The following HECTD4 variants were observed in gnomAD, a reference collection of about 807,000 sequenced individuals.
HECTD4 encodes the protein HECT domain E3 ubiquitin protein ligase 4, also known as probable E3 ubiquitin-protein ligase HECTD4.
HECTD4 carries 114 observed loss-of-function variants against 471.5 expected under a neutral mutation model. That is an observed-to-expected ratio of 0.24 (90% CI 0.21 to 0.28). HECTD4 has a LOEUF of 0.28. HECTD4 is among the 10% of genes least tolerant of loss of function. The pLI, the probability that HECTD4 is intolerant of heterozygous loss-of-function variation, is 1.00. For missense variants in HECTD4, 3,866 were observed against 5,651.5 expected, an observed-to-expected ratio of 0.68 and a Z score of 10.13; for synonymous variants, 2,012 against 2,256.0, an observed-to-expected ratio of 0.89 and a Z score of 3.07.
intron 1 of HECTD4, among the ~76,000 whole-genome samples, chr12:112,356,094 T>C (rs1467472414): frequency 6.6e-6 from 1 of 152,124 alleles, no homozygotes; most frequent in Non-Finnish European, 1.5e-5. Context: ...TGACCCTGAA[T>C]AGTATAAAAA....
intron 22 of HECTD4, among the ~76,000 whole-genome samples, chr12:112,253,186 G>A (rs2033933851): frequency 1.3e-5 from 2 of 151,414 alleles, no homozygotes; most frequent in South Asian, 4.2e-4. Context: ...GTGCAATGGC[G>A]CAATCTTGAC....
intron 2 of HECTD4, among the ~76,000 whole-genome samples, chr12:112,315,575 T>A (rs1037217523): frequency 6.6e-6 from 1 of 152,194 alleles, no homozygotes; most frequent in Non-Finnish European, 1.5e-5. Context: ...CTAACTCCTA[T>A]GGATTTTTGC....
chr12:112,195,602 A>G (rs929249883), intron 55 of HECTD4, among the ~76,000 whole-genome samples: 1 of 152,186 alleles, frequency 6.6e-6, no homozygotes, highest in Non-Finnish European at 1.5e-5. Flanking sequence ...AGTTGGTGGG[A>G]AAGGAGGATG....
intron 7 of HECTD4, among the ~76,000 whole-genome samples, chr12:112,303,366 A>G (rs1781725041): frequency 6.6e-6 from 1 of 152,098 alleles, no homozygotes; most frequent in African/African-American, 2.4e-5. Context: ...CCCTAAACGT[A>G]TACTTGGCTT....
chr12:112,224,568 A>G (rs2033183022), intron 44 of HECTD4, among the ~76,000 whole-genome samples: 1 of 152,082 alleles, frequency 6.6e-6, no homozygotes, highest in Non-Finnish European at 1.5e-5. Flanking sequence ...GCCCGGCCCA[A>G]GGATTCTTCA....
chr12:112,367,586 G>A (rs1004142148), intron 1 of HECTD4, among the ~76,000 whole-genome samples: 1 of 151,776 alleles, frequency 6.6e-6, no homozygotes, highest in African/African-American at 2.4e-5. Flanking sequence ...TTGGGAGGTG[G>A]AGGTGGGTGG....
intron 1 of HECTD4, among the ~76,000 whole-genome samples, chr12:112,344,491 A>C (rs1355707624): frequency 1.3e-5 from 2 of 152,244 alleles, no homozygotes; most frequent in African/African-American, 4.8e-5. Flanking sequence ...AGCTTAACTC[A>C]GAGCTCACAA....
At chr12:112,372,519 T>TGATCCGCTGACCTC (rs1391548856) in intron 1 of HECTD4, among the ~76,000 whole-genome samples, 1 of 586 alleles carries the variant, frequency 1.7e-3, no homozygotes, top group Non-Finnish European at 2.9e-3. Context: ...CCTGACCTCG[T>TGATCCGCTGACCTC]GTGATCCGCC....
chr12:112,347,943 AGGC>A (rs1304978826), intron 1 of HECTD4, among the ~76,000 whole-genome samples: 1 of 152,222 alleles, frequency 6.6e-6, no homozygotes, highest in Admixed American at 6.5e-5. Flanking sequence ...GAGCTTTTTC[AGGC>A]TGTCACCTCA....
chr12:112,217,118 T>G lies in HECTD4; in HGVS notation c.7152A>C (p.Ser2384=). 1 of 1,591,994 alleles carries G rather than the reference T, an allele frequency of 6.3e-7. No homozygotes were observed. The highest frequency in any genetic ancestry group is 1.1e-5 in the South Asian group (1 of 87,726). ...CGCTGGGGTCAGCCAGGAAGGTGACTGAGGTAAGGTGAGATGAGAACATGC... is the reference window on the plus strand; with the variant it reads ...CGCTGGGGTCAGCCAGGAAGGTGACGGAGGTAAGGTGAGATGAGAACATGC... ...RACMFSSHLT[S]VTFLADPSAG... Residue 2384 remains serine (S), a synonymous_variant, in exon 46 of 76, where the codon TCA becomes TCC. Transcript: ENST00000682272.
intron 1 of HECTD4, among the ~76,000 whole-genome samples, chr12:112,358,508 T>C (rs760238230): frequency 2.6e-5 from 4 of 152,054 alleles, no homozygotes; most frequent in Non-Finnish European, 4.4e-5. Context: ...ATATGAAAAA[T>C]ATCCTTACAC....
chr12:112,235,833 T>C lies in HECTD4; in HGVS notation c.5445-49A>G, dbSNP rs374271536. 2.5e-5 allele frequency: 37 copies of C among 1,483,336 alleles called. No individual in the cohort carries two copies. Among genetic ancestry groups the C allele is most frequent in the South Asian group, 4.0e-5 (3 of 75,386 alleles). 91.9% of individuals were successfully genotyped at this position (1,483,336 alleles called of 1,614,324 possible). A position where few individuals can be genotyped will look rare whatever the true frequency, so the allele number is the denominator to read the frequency against. The stretch of plus-strand genomic sequence containing the variant: ...ACACAGTGCTAGAAATGTTGATCTA[T>C]AGACATTCAGAAGCAAGAGTTCTCT... On this transcript the variant is annotated intron_variant, in intron 35 of 75. Transcript: ENST00000682272. This position sits in a 1 kb window ranked among gnomAD's most constrained non-coding sequence, Gnocchi z 5.0.
chr12:112,204,582 C>T lies in HECTD4; in HGVS notation c.8173G>A (p.Glu2725Lys), dbSNP rs1213723616. The change falls in exon 53 of 76, where the codon GAA (glutamate) becomes AAA (lysine). Residue 2725 changes from glutamate to lysine, a missense_variant. Transcript: ENST00000682272. ...IARQTVEFLY[E>K]ENGGIPRDLY... ...TCTCTTGGGATGCCACCATTCTCTT[C>T]GTAGAGAAATTCAACCGTCTGTCGG... is the stretch of plus-strand genomic sequence containing the variant. The T allele has an allele frequency of 6.2e-7, 1 of 1,613,362 alleles. No homozygotes were observed. The highest frequency in any genetic ancestry group is 8.5e-7 in the Non-Finnish European group (1 of 1,179,382).
chr12:112,318,285 G>A lies in HECTD4; in HGVS notation c.695+940C>T, dbSNP rs544393152. Among the ~76,000 whole-genome samples, 6 of 150,238 alleles carry A rather than the reference G, an allele frequency of 4.0e-5. No individual in the cohort carries two copies. In the East Asian group the frequency reaches 1.2e-3, roughly 30 times the overall value. ...GTCTCAAAAAAAAGAGAAAAGAAAAGAGAAAAGAGAGAAAAGCAAAAAGAA... is the reference window on the plus strand; with the variant it reads ...GTCTCAAAAAAAAGAGAAAAGAAAAAAGAAAAGAGAGAAAAGCAAAAAGAA... On this transcript the variant is annotated intron_variant, in intron 2 of 75. Transcript: ENST00000682272.
At chr12:112,325,008 T>C (rs572951746) in intron 1 of HECTD4, among the ~76,000 whole-genome samples, 7 of 152,286 alleles carry the variant, frequency 4.6e-5, no homozygotes, top group Admixed American at 1.3e-4. Context: ...TGAACTCAAA[T>C]GATGAACAAC....
chr12:112,224,618 C>T (rs1442619003), intron 44 of HECTD4, among the ~76,000 whole-genome samples: 1 of 152,188 alleles, frequency 6.6e-6, no homozygotes, highest in Non-Finnish European at 1.5e-5. Flanking sequence ...AATCAATACG[C>T]ATAAGCTCAT....
At chr12:112,200,231 G>A (rs777769471) in intron 55 of HECTD4, among the ~76,000 whole-genome samples, 2 of 150,626 alleles carry the variant, frequency 1.3e-5, no homozygotes, top group African/African-American at 4.9e-5. Flanking sequence ...TTGGCTCACC[G>A]CAACCTCCGT....
intron 66 of HECTD4, 74 bp from the exon 67 acceptor site, chr12:112,172,935 A>T: frequency 7.5e-7 from 1 of 1,340,088 alleles, no homozygotes; most frequent in Non-Finnish European, 1.1e-6. Context: ...TTTCTCTTAC[A>T]GAGCCCTGTC....
At chr12:112,242,386 G>A (rs563961974) in intron 32 of HECTD4, among the ~76,000 whole-genome samples, 3 of 152,120 alleles carry the variant, frequency 2.0e-5, no homozygotes, top group Non-Finnish European at 4.4e-5. Context: ...ACTGAGACAG[G>A]AGGATCCCTT....
Sources: gnomAD v4.1 joint callset for allele counts (sites outside exome capture counted in the v4.1 genomes callset) on GRCh38, gnomAD v4.1.1 for gene constraint, Gnocchi (gnomAD v3.1) non-coding constraint, MANE v1.5 for transcripts, NCBI Gene and HGNC (gene_info 2026-07-23, HGNC 2026-07-21) for gene names.